PCCA: variants seen among roughly 807,000 people sequenced by gnomAD.
The protein encoded by PCCA is propionyl-CoA carboxylase alpha chain, mitochondrial.
PCCA carries 74 observed loss-of-function variants against 101.3 expected under a neutral mutation model. The observed-to-expected ratio is 0.73, with a 90% CI of 0.61 to 0.89. The LOEUF (loss-of-function observed/expected upper bound fraction) is 0.89, where lower values mean the gene tolerates loss of function less well. Ranked by LOEUF, PCCA falls within the 40% of genes least tolerant of loss-of-function variation. PCCA has a pLI of 0.00. For synonymous variants in PCCA, 294 were observed against 313.6 expected (o/e 0.94, Z 0.66); for missense variants, 891 against 907.0 (o/e 0.98, Z 0.23).
At chr13:100,511,612 G>A (rs570908596) in intron 21 of PCCA, among the ~76,000 whole-genome samples, 1 of 152,332 alleles carries the variant, frequency 6.6e-6, no homozygotes, top group African/African-American at 2.4e-5. Context: ...TCAGTCAACT[G>A]TACGTGTCCT....
chr13:100,193,557 T>G (rs1321142111), intron 6 of PCCA, among the ~76,000 whole-genome samples: 2 of 152,210 alleles, frequency 1.3e-5, no homozygotes, highest in African/African-American at 4.8e-5. Context: ...TAAATAAATA[T>G]TGTAGTTTTT....
At chr13:100,135,048 T>A (rs2050995045) in intron 4 of PCCA, among the ~76,000 whole-genome samples, 1 of 151,786 alleles carries the variant, frequency 6.6e-6, no homozygotes, top group South Asian at 2.1e-4. Flanking sequence ...CAGCTTGTAC[T>A]GTTTTGTTAG....
intron 6 of PCCA, among the ~76,000 whole-genome samples, chr13:100,192,777 T>C (rs1274346213): frequency 6.6e-6 from 1 of 152,206 alleles, no homozygotes; most frequent in Non-Finnish European, 1.5e-5. Flanking sequence ...ATGCTACTTT[T>C]CCAAATCCTA....
At chr13:100,445,744 A>T (rs2080779449) in intron 20 of PCCA, among the ~76,000 whole-genome samples, 1 of 150,248 alleles carries the variant, frequency 6.7e-6, no homozygotes, top group Admixed American at 6.6e-5. Context: ...AAATGGTAGG[A>T]TTTTCTTTTT....
At chr13:100,357,489 A>G (rs1365041323) in intron 18 of PCCA, among the ~76,000 whole-genome samples, 24 of 152,342 alleles carry the variant, frequency 1.6e-4, no homozygotes, top group Non-Finnish European at 2.9e-5. Context: ...GCGTTCTTCC[A>G]TCTTTTCTTT....
intron 18 of PCCA, among the ~76,000 whole-genome samples, chr13:100,345,180 G>A (rs1477397435): frequency 2.0e-5 from 3 of 152,188 alleles, no homozygotes; most frequent in African/African-American, 7.2e-5. Context: ...TAAATCAAAG[G>A]GTAGAAATGA....
chr13:100,524,247 C>G (rs1208424004), intron 22 of PCCA, among the ~76,000 whole-genome samples: 1 of 152,212 alleles, frequency 6.6e-6, no homozygotes, highest in Non-Finnish European at 1.5e-5. Context: ...GAGTGTCAGC[C>G]TCTTCCCACA....
chr13:100,174,613 A>T (rs2056056577), intron 6 of PCCA, among the ~76,000 whole-genome samples: 1 of 150,982 alleles, frequency 6.6e-6, no homozygotes, highest in African/African-American at 2.4e-5. Context: ...CTGTAGTCTT[A>T]GCTACTCAGG....
At chr13:100,475,024 T>A (rs558512210) in intron 21 of PCCA, among the ~76,000 whole-genome samples, 1 of 152,208 alleles carries the variant, frequency 6.6e-6, no homozygotes, top group Admixed American at 6.5e-5. Flanking sequence ...GGACATATGC[T>A]AACACTTGTT....
intron 6 of PCCA, among the ~76,000 whole-genome samples, chr13:100,169,786 G>A (rs1458264939): frequency 6.6e-6 from 1 of 150,640 alleles, no homozygotes; most frequent in African/African-American, 2.4e-5. Context: ...TACAGACTCC[G>A]CCTCCCAGGT....
intron 19 of PCCA, among the ~76,000 whole-genome samples, chr13:100,395,683 G>A (rs1373623705): frequency 1.3e-5 from 2 of 152,026 alleles, no homozygotes; most frequent in Non-Finnish European, 2.9e-5. Context: ...TTCTTTTAGT[G>A]GTTCTGCCTT....
chr13:100,320,383 G>A (rs1328479220), intron 16 of PCCA, among the ~76,000 whole-genome samples: 6 of 152,138 alleles, frequency 3.9e-5, no homozygotes, highest in Non-Finnish European at 5.9e-5. Context: ...TGGTGAGAGA[G>A]GCCATCCCTG....
chr13:100,302,085 A>G (rs1355303177), intron 13 of PCCA, among the ~76,000 whole-genome samples: 3 of 152,194 alleles, frequency 2.0e-5, no homozygotes, highest in Non-Finnish European at 4.4e-5. Flanking sequence ...AAAAATAACA[A>G]TCAAAATTTA....
chr13:100,515,558 T>G lies in PCCA; in HGVS notation c.2031T>G (p.Pro677=). 1 of 1,613,848 alleles carries G rather than the reference T, an allele frequency of 6.2e-7. No homozygotes were observed. Among genetic ancestry groups the G allele is most frequent in the Non-Finnish European group, 8.5e-7 (1 of 1,179,966 alleles). Residue 677 remains proline (P), a synonymous_variant, in exon 22 of 24, where the codon CCT becomes CCG. Transcript: ENST00000376285. The part of the protein sequence containing the change: ...PGVVVAVSVK[P]GDAVAEGQEI... ...TGGTGGTGGCCGTCTCTGTCAAGCC[T>G]GGAGACGCGGTAAGGGCTGTGTGTG... is the stretch of plus-strand genomic sequence containing the variant.
chr13:100,501,892 T>TAAATAAATAAAG (rs2085707625), intron 21 of PCCA, among the ~76,000 whole-genome samples: 1 of 151,692 alleles, frequency 6.6e-6, no homozygotes, highest in Admixed American at 6.6e-5. Flanking sequence ...AATAAATAAA[T>TAAATAAATAAAG]AAATAAATAA....
chr13:100,440,744 C>A (rs145199641), intron 20 of PCCA, among the ~76,000 whole-genome samples: 343 of 151,640 alleles, frequency 2.3e-3, no homozygotes, highest in African/African-American at 8.0e-3. Flanking sequence ...AGAATCATTG[C>A]ATGTGACATG....
At chr13:100,482,265 T>A (rs2084002797) in intron 21 of PCCA, among the ~76,000 whole-genome samples, 1 of 152,082 alleles carries the variant, frequency 6.6e-6, no homozygotes, top group Non-Finnish European at 1.5e-5. Flanking sequence ...ATGGGTCAGG[T>A]CAGAAGGCAG....
chr13:100,156,570 A>T (rs2053912931), intron 5 of PCCA, among the ~76,000 whole-genome samples: 1 of 152,204 alleles, frequency 6.6e-6, no homozygotes, highest in Non-Finnish European at 1.5e-5. Context: ...GGTAGATTGT[A>T]GCAATGTGGC....
intron 4 of PCCA, among the ~76,000 whole-genome samples, chr13:100,115,004 A>G (rs2048670529): frequency 1.3e-5 from 2 of 152,212 alleles, no homozygotes; most frequent in African/African-American, 2.4e-5. Flanking sequence ...ATTTTTCACA[A>G]TAGCCAAGAT....
Sources: allele counts gnomAD v4.1 joint callset (sites outside exome capture counted in the v4.1 genomes callset), GRCh38; gene constraint gnomAD v4.1.1; transcripts MANE v1.5; gene names NCBI Gene and HGNC (gene_info 2026-07-23, HGNC 2026-07-21).